Variants in PCDH15 observed in about 807,000 individuals in gnomAD.
PCDH15 encodes the protein protocadherin-15.
In PCDH15, 129 loss-of-function variants were observed where a neutral mutation model predicts 178.5. The ratio of observed to expected loss-of-function variants is 0.72; its 90% CI spans 0.63 to 0.84. PCDH15 has a LOEUF of 0.84. Ranked by LOEUF, PCDH15 falls within the 40% of genes least tolerant of loss-of-function variation. The pLI, the probability that PCDH15 is intolerant of heterozygous loss-of-function variation, is 0.00. For missense variants in PCDH15, 2,230 were observed against 2,099.9 expected (o/e 1.06, Z -1.21); for synonymous variants, 800 against 732.0 (o/e 1.09, Z -1.50).
intron 2 of PCDH15, among the ~76,000 whole-genome samples, chr10:54,651,943 G>C (rs2094271854): frequency 6.7e-6 from 1 of 150,230 alleles, no homozygotes. Flanking sequence ...AATGCACATG[G>C]AACACCAAAT....
chr10:54,613,893 T>C (rs957321667), intron 2 of PCDH15, among the ~76,000 whole-genome samples: 1 of 151,758 alleles, frequency 6.6e-6, no homozygotes, highest in African/African-American at 2.4e-5. Flanking sequence ...ATGAGTATTT[T>C]ATAAATTAGT....
chr10:55,613,719 C>A (rs1410054999), intron 2 of PCDH15, among the ~76,000 whole-genome samples: 2 of 152,060 alleles, frequency 1.3e-5, no homozygotes, highest in Non-Finnish European at 2.9e-5. Context: ...TTCTTACTCT[C>A]TAGAAAGTCA....
intron 3 of PCDH15, among the ~76,000 whole-genome samples, chr10:54,427,433 C>T (rs180888151): frequency 6.3e-4 from 95 of 151,888 alleles, no homozygotes; most frequent in Non-Finnish European, 5.6e-4. Flanking sequence ...CATGCACCAT[C>T]ACATCCGGCT....
chr10:54,417,810 A>T (rs1954663820), intron 3 of PCDH15, among the ~76,000 whole-genome samples: 1 of 152,180 alleles, frequency 6.6e-6, no homozygotes, highest in African/African-American at 2.4e-5. Context: ...GATCATTCAC[A>T]ATGCTATGAC....
At chr10:54,236,250 T>G (rs12260244) in intron 9 of PCDH15, among the ~76,000 whole-genome samples, 8,313 of 152,168 alleles carry the variant, frequency 0.055, 564 homozygotes, top group African/African-American at 0.17. Flanking sequence ...TTCTCATCAT[T>G]TTTGCTTTTG....
At chr10:54,128,913 G>A (rs144475719) in intron 15 of PCDH15, among the ~76,000 whole-genome samples, 2 of 151,972 alleles carry the variant, frequency 1.3e-5, no homozygotes, top group African/African-American at 2.4e-5. Flanking sequence ...TTAACCTTTG[G>A]AAAATACAGA....
intron 3 of PCDH15, among the ~76,000 whole-genome samples, chr10:54,830,253 T>C (rs889297983): frequency 1.3e-5 from 2 of 152,132 alleles, no homozygotes; most frequent in Non-Finnish European, 1.5e-5. Flanking sequence ...TAAAGGATTA[T>C]AAATCATGCT....
rs143675624 is a variant in PCDH15 at position 54,210,195 on chromosome 10, G to A, written c.1098+3741C>T. On this transcript the variant is annotated intron_variant, in intron 10 of 37. Coordinates refer to ENST00000644397, the MANE Select transcript of PCDH15 (RefSeq NM_001384140.1). ...ATTGAATTTATGTGGAAATCTATTT[G>A]CTACATTTGCATCTTTTTTTTTTCT... Among the ~76,000 whole-genome samples, 923 of 152,112 alleles carry A rather than the reference G, an allele frequency of 6.1e-3. 4 individuals are homozygous for A. The highest frequency in any genetic ancestry group is 0.011 in the Non-Finnish European group (746 of 67,956).
At chr10:55,273,788 G>A (rs1214756312) in intron 1 of PCDH15, among the ~76,000 whole-genome samples, 1 of 152,022 alleles carries the variant, frequency 6.6e-6, no homozygotes, top group African/African-American at 2.4e-5. Context: ...CGTACTTGAG[G>A]AAGAAGAAAA....
At chr10:55,609,829 G>T (rs1417448267) in intron 2 of PCDH15, among the ~76,000 whole-genome samples, 2 of 151,964 alleles carry the variant, frequency 1.3e-5, no homozygotes, top group Non-Finnish European at 2.9e-5. Flanking sequence ...GCTCTGAAAA[G>T]CACTGTTCTG....
intron 2 of PCDH15, among the ~76,000 whole-genome samples, chr10:55,497,692 G>T (rs1293694719): frequency 6.6e-6 from 1 of 151,812 alleles, no homozygotes; most frequent in Non-Finnish European, 1.5e-5. Context: ...CTCAACCAAA[G>T]TTATTTCTGG....
intron 2 of PCDH15, among the ~76,000 whole-genome samples, chr10:55,529,583 T>A (rs574361332): frequency 2.0e-5 from 3 of 151,536 alleles, no homozygotes; most frequent in African/African-American, 7.3e-5. Context: ...AAGATGCATT[T>A]GCTTTTTTAT....
chr10:54,889,439 A>G (rs1954420028), intron 3 of PCDH15, among the ~76,000 whole-genome samples: 2 of 150,902 alleles, frequency 1.3e-5, no homozygotes, highest in Admixed American at 1.3e-4. Context: ...AATACTTCAT[A>G]TAAGAAAATA....
At chr10:54,209,092 T>G (rs563820108) in intron 10 of PCDH15, among the ~76,000 whole-genome samples, 1 of 152,214 alleles carries the variant, frequency 6.6e-6, no homozygotes, top group African/African-American at 2.4e-5. Flanking sequence ...GCTTTTTCAT[T>G]TTCACGGTAG....
At chr10:54,128,945 C>G (rs541858933) in intron 15 of PCDH15, among the ~76,000 whole-genome samples, 1 of 152,086 alleles carries the variant, frequency 6.6e-6, no homozygotes, top group African/African-American at 2.4e-5. Context: ...ACAAAACATT[C>G]CCATCCCTCC....
chr10:54,473,504 A>G (rs2078063217), intron 3 of PCDH15, among the ~76,000 whole-genome samples: 1 of 152,126 alleles, frequency 6.6e-6, no homozygotes, highest in Non-Finnish European at 1.5e-5. Flanking sequence ...GACTGTATGC[A>G]AGATTTTCCT....
intron 8 of PCDH15, among the ~76,000 whole-genome samples, chr10:54,239,431 A>G (rs112526831): frequency 6.7e-6 from 1 of 148,368 alleles, no homozygotes; most frequent in South Asian, 2.1e-4. Flanking sequence ...ATATATATAT[A>G]TAGAGTAAGA....
intron 2 of PCDH15, among the ~76,000 whole-genome samples, chr10:54,944,447 G>A (rs1037602616): frequency 1.3e-5 from 2 of 151,884 alleles, no homozygotes; most frequent in Admixed American, 6.6e-5. Context: ...GTTGAGAAGC[G>A]CAAGATTAAC....
chr10:54,510,778 T>C (rs148905147), intron 3 of PCDH15, among the ~76,000 whole-genome samples: 16 of 152,336 alleles, frequency 1.1e-4, no homozygotes, highest in Non-Finnish European at 2.1e-4. Context: ...TTCTTTCTTA[T>C]TTTGGTGTGA....
Sources: gnomAD v4.1 joint callset for allele counts (sites outside exome capture counted in the v4.1 genomes callset) on GRCh38, gnomAD v4.1.1 for gene constraint, MANE v1.5 for transcripts, NCBI Gene and HGNC (gene_info 2026-07-23, HGNC 2026-07-21) for gene names.